The following MVD variants were observed in gnomAD, a reference collection of about 807,000 sequenced individuals.
The protein encoded by MVD is diphosphomevalonate decarboxylase.
In MVD, 52 loss-of-function variants were observed where a neutral mutation model predicts 42.4. That is an observed-to-expected ratio of 1.23 (90% CI 0.98 to 1.55). MVD has a LOEUF of 1.55. MVD is among the 40% of genes most tolerant of loss of function. The probability of loss-of-function intolerance (pLI) is 0.00; values close to 1 mark genes in which losing one functional copy is unlikely to be tolerated. For synonymous variants in MVD, 287 were observed against 243.2 expected (o/e 1.18, Z -1.68); for missense variants, 663 against 572.1 (o/e 1.16, Z -1.62).
rs1043033533 is a variant in MVD, at chr16:88,655,126, G to A, written c.897+73C>T. ...TGCCCTGCACGCGAGCCCCGGGGCC[G>A]TCTCCACGGCAGCACAAGCCTAGAC... On this transcript the variant is annotated intron_variant, in intron 7 of 9. Coordinates refer to ENST00000301012, the MANE Select transcript of MVD (RefSeq NM_002461.3). 55 of 1,505,190 alleles carry A rather than the reference G, an allele frequency of 3.7e-5. No individual in the cohort carries two copies. The African/African-American group carries it at 5.1e-4, about 14-fold the overall frequency. The allele number at this position is 1,505,190 out of a possible 1,614,324, so 93.2% of individuals were successfully genotyped here. A position where few individuals can be genotyped will look rare whatever the true frequency, so the allele number is the denominator to read the frequency against.
At chr16:88,659,922 G>A (rs1908183660) in intron 1 of MVD, among the ~76,000 whole-genome samples, 1 of 150,670 alleles carries the variant, frequency 6.6e-6, no homozygotes, top group African/African-American at 2.5e-5. Context: ...AGCCGAGATG[G>A]CACCACTGCA....
In MVD at chr16:88,658,673, T is replaced by G; in HGVS notation, c.118A>C (p.Ser40Arg). ...ELVLPINSSL[S>R]VTLHQDQLKT... ...ACCTGGTCCTGGTGCAGAGTGACGC[T>G]CAGGGAGGAGTTGATGGGCAGAACC... The change falls in exon 2 of 10, where the codon AGC becomes CGC. Residue 40 changes from serine (S) to arginine (R), a missense_variant. Transcript: ENST00000301012. The G allele has an allele frequency of 6.2e-7, 1 of 1,613,768 alleles. No homozygotes were observed. The highest frequency in any genetic ancestry group is 1.3e-5 in the African/African-American group (1 of 75,016).
chr16:88,657,859 A>G lies in MVD; in HGVS notation c.256+56T>C, dbSNP rs779760900. 7.7e-6 allele frequency: 12 copies of G among 1,556,114 alleles called. No individual in the cohort carries two copies. The Admixed American group carries it at 1.9e-4, about 24-fold the overall frequency. ...GCACAGAGGCAGAAGCACTTTCTGG[A>G]TGCTCGGACCCTGCTGACAACAGGG... On this transcript the variant is annotated intron_variant, in intron 3 of 9. Transcript: ENST00000301012.
chr16:88,659,046 A>C, intron 1 of MVD: 3 of 347,862 alleles, frequency 8.6e-6, no homozygotes, highest in Non-Finnish European at 1.1e-5. Flanking sequence ...CACCTTCCCA[A>C]ACAAAAGGAG....
intron 1 of MVD, chr16:88,662,637 G>A: frequency 8.2e-7 from 1 of 1,224,116 alleles, no homozygotes; most frequent in South Asian, 1.5e-5. Flanking sequence ...GACCTCCCGG[G>A]CTCTGGCCAT....
At chr16:88,656,359 T>C (rs1183693982) in intron 4 of MVD, 55 bp from the exon 5 acceptor site, 31 of 1,570,046 alleles carry the variant, frequency 2.0e-5, no homozygotes, top group Non-Finnish European at 2.6e-5. Context: ...CTGTGCTCCC[T>C]GACAGCTCAC....
At chr16:88,661,579 G>A (rs566992249) in intron 1 of MVD, among the ~76,000 whole-genome samples, 12 of 152,010 alleles carry the variant, frequency 7.9e-5, no homozygotes, top group African/African-American at 1.4e-4. Flanking sequence ...CATCCAGTTC[G>A]AGCGTGGACA....
chr16:88,658,748 G>GGAAGCCCACCGGCC, intron 1 of MVD, 28 bp from the exon 2 acceptor site: 1 of 1,590,654 alleles, frequency 6.3e-7, no homozygotes, highest in Non-Finnish European at 8.6e-7. Flanking sequence ...GGCCAGGCCG[G>GGAAGCCCACCGGCC]TGGGCTTCCC....
intron 4 of MVD, chr16:88,656,659 G>C (rs1026328820): frequency 2.6e-6 from 1 of 387,448 alleles, no homozygotes; most frequent in East Asian, 5.4e-5. Flanking sequence ...AAGGCTGTGT[G>C]GGGCAGGGAC....
rs542107288 is a variant in MVD at position 88,655,697 on chromosome 16, C to T, written c.637G>A (p.Val213Met). 29 of 1,560,456 alleles carry T rather than the reference C, an allele frequency of 1.9e-5. No homozygotes were observed. In the African/African-American group the frequency reaches 2.3e-4, roughly 12 times the overall value. Residue 213 changes from valine to methionine, a missense_variant, in exon 6 of 10, where the codon GTG (valine) becomes ATG (methionine). Physicochemically the swap from Val to Met is conservative, Grantham distance 21. Coordinates refer to ENST00000301012, the MANE Select transcript of MVD (RefSeq NM_002461.3). Reference sequence around the variant, plus strand: ...GTCTCCACACTGGCCCGCATGCCCACGGTACTGCCTGTCAGCTTCTTCTCA... The same window carrying T: ...GTCTCCACACTGGCCCGCATGCCCATGGTACTGCCTGTCAGCTTCTTCTCA... ...SAEKKLTGST[V>M]GMRASVETSP... is the part of the protein sequence containing the mutation.
At chr16:88,655,472 GT>G in intron 6 of MVD, 55 bp from the exon 7 acceptor site, 1 of 1,532,270 alleles carries the variant, frequency 6.5e-7, no homozygotes, top group East Asian at 2.4e-5. Context: ...ACAGCAGAGG[GT>G]TCGAGGAGAG....
intron 7 of MVD, 174 bp from the exon 8 acceptor site, chr16:88,654,981 G>A (rs1907812858): frequency 1.2e-5 from 10 of 847,374 alleles, no homozygotes; most frequent in Non-Finnish European, 1.6e-5. Context: ...GTCTGCCTGT[G>A]AACCCAGGAA....
In MVD at chr16:88,656,092, C is replaced by G; in HGVS notation, c.603+13G>C. ...CCACCGGGCTGCTGCTCCACCCGCC[C>G]CACCCCACTCACCACAAGGATGAGC... On this transcript the variant is annotated intron_variant, in intron 5 of 9. Coordinates refer to ENST00000301012, the MANE Select transcript of MVD (RefSeq NM_002461.3). 6.3e-7 allele frequency: 1 copy of G among 1,576,764 alleles called. No individual in the cohort carries two copies. Among genetic ancestry groups the G allele is most frequent in the South Asian group, 1.1e-5 (1 of 89,122 alleles).
chr16:88,658,159 G>A (rs1040694745), intron 2 of MVD, 130 bp from the exon 3 acceptor site: 5 of 866,584 alleles, frequency 5.8e-6, no homozygotes, highest in Admixed American at 4.6e-5. Flanking sequence ...GGGCAGGGGG[G>A]GAAAGGCCAG....
At position 88,654,690 on chromosome 16, in the gene MVD, A is replaced by C; in HGVS notation, c.1013+2T>G. ...AGGAGGAGGGGCGGGGTCCACACTC[A>C]CGTGTCTCCATTCGAGCCTGGGGGA... is the stretch of plus-strand genomic sequence containing the variant. On this transcript the variant is annotated splice_donor_variant, in intron 8 of 9. Coordinates refer to ENST00000301012, the MANE Select transcript of MVD (RefSeq NM_002461.3). LOFTEE classifies it high-confidence loss of function. 2 of 1,595,596 alleles carry C rather than the reference A, an allele frequency of 1.3e-6. No individual in the cohort carries two copies. The highest frequency in any genetic ancestry group is 1.7e-6 in the Non-Finnish European group (2 of 1,174,060).
chr16:88,661,302 T>C (rs555071460), intron 1 of MVD, among the ~76,000 whole-genome samples: 1 of 152,308 alleles, frequency 6.6e-6, no homozygotes, highest in East Asian at 1.9e-4. Flanking sequence ...ACTGGCTCTT[T>C]GTTAAGAGGA....
chr16:88,652,396 G>T lies in MVD; in HGVS notation c.*129C>A. 1.9e-6 allele frequency: 2 copies of T among 1,031,418 alleles called. No individual in the cohort carries two copies. Among genetic ancestry groups the T allele is most frequent in the Non-Finnish European group, 2.9e-6 (2 of 684,018 alleles). The allele number at this position is 1,031,418 out of a possible 1,614,324, so 63.9% of individuals were successfully genotyped here. On this transcript the variant is annotated 3_prime_UTR_variant, in exon 10 of 10. Coordinates refer to ENST00000301012, the MANE Select transcript of MVD (RefSeq NM_002461.3). ...GACTCCCTGCACTGCCCCACAGCAA[G>T]CTGCCCATGGGCCCGGGGTCAAGCC...
Position 88,663,000 on chromosome 16 carries a change from G to C in MVD, c.70+11C>G, listed in dbSNP as rs765985573. On this transcript the variant is annotated intron_variant, in intron 1 of 9. Transcript: ENST00000301012. ...GGCCATCCCCGTCCCAGGCCGGCCC[G>C]CGGCACTCACAGTACTTGATGACCG... The C allele has an allele frequency of 1.3e-6, 2 of 1,595,798 alleles. No homozygotes were observed. The highest frequency in any genetic ancestry group is 2.3e-5 in the East Asian group (1 of 43,716).
At chr16:88,658,536 C>T (rs992087238) in intron 2 of MVD, 114 bp downstream of exon 2, 31 of 1,031,076 alleles carry the variant, frequency 3.0e-5, no homozygotes, top group Non-Finnish European at 4.2e-5. Flanking sequence ...GCTCAAGAGA[C>T]TCTCCCCAAG....
Sources: allele counts gnomAD v4.1 joint callset (sites outside exome capture counted in the v4.1 genomes callset), GRCh38; gene constraint gnomAD v4.1.1; transcripts MANE v1.5; gene names NCBI Gene and HGNC (gene_info 2026-07-23, HGNC 2026-07-21).